MYT1L: variants seen among roughly 807,000 people sequenced by gnomAD.
MYT1L encodes the protein myelin transcription factor 1 like.
MYT1L carries 12 observed loss-of-function variants against 126.7 expected under a neutral mutation model. The observed-to-expected ratio is 0.09, with a 90% CI of 0.06 to 0.15. The LOEUF (loss-of-function observed/expected upper bound fraction) is 0.15, where lower values mean the gene tolerates loss of function less well. MYT1L is among the 10% of genes least tolerant of loss of function. MYT1L has a pLI of 1.00. For missense variants in MYT1L, 979 were observed against 1,585.2 expected (o/e 0.62, Z 6.49); for synonymous variants, 541 against 604.2 (o/e 0.90, Z 1.53).
chr2:2,166,771 C>A (rs2089195457), intron 3 of MYT1L, among the ~76,000 whole-genome samples: 2 of 152,140 alleles, frequency 1.3e-5, no homozygotes, highest in South Asian at 4.1e-4. Flanking sequence ...CCTCAACCTG[C>A]CTTTCCCTTT....
chr2:2,174,808 A>G (rs1326264325), intron 2 of MYT1L, among the ~76,000 whole-genome samples: 2 of 152,082 alleles, frequency 1.3e-5, no homozygotes, highest in Non-Finnish European at 2.9e-5. Context: ...GGTTAGCAAG[A>G]CCCATCTCAG....
intron 9 of MYT1L, among the ~76,000 whole-genome samples, chr2:1,939,684 A>G (rs2056414643): frequency 6.6e-6 from 1 of 152,234 alleles, no homozygotes; most frequent in African/African-American, 2.4e-5. Context: ...TAGGAGTTTG[A>G]TCACGTAAAA....
intron 3 of MYT1L, among the ~76,000 whole-genome samples, chr2:2,104,148 C>T (rs534633912): frequency 1.2e-3 from 179 of 152,280 alleles, no homozygotes; most frequent in African/African-American, 4.0e-3. Flanking sequence ...ACATTAATAC[C>T]ACAGTATGTC....
chr2:2,074,822 G>T (rs1041577077), intron 3 of MYT1L, among the ~76,000 whole-genome samples: 5 of 152,094 alleles, frequency 3.3e-5, no homozygotes, highest in African/African-American at 1.2e-4. Flanking sequence ...CTCATGCAGG[G>T]GTTTGTTCAG....
intron 2 of MYT1L, among the ~76,000 whole-genome samples, chr2:2,211,535 C>T (rs2093507059): frequency 1.3e-5 from 2 of 152,074 alleles, no homozygotes; most frequent in Non-Finnish European, 1.5e-5. Context: ...TGGCCAGGTG[C>T]AGTGGCTCAT....
In MYT1L at chr2:1,979,252, ACGGTG is replaced by A; in HGVS notation, c.90-30_90-26del. ...GCTGCAACAGGAAAGAATGGATTAC[ACGGTG>A]CCGCAGGCAGGCAGGTGAGACGGAA... is the stretch of plus-strand genomic sequence containing the variant. On this transcript the variant is annotated intron_variant, in intron 7 of 24. Coordinates refer to ENST00000647738, the MANE Select transcript of MYT1L (RefSeq NM_001303052.2). The surrounding 1 kb of genome is among the most constrained non-coding windows in gnomAD (Gnocchi z 4.0). The A allele has an allele frequency of 6.2e-7, 1 of 1,607,658 alleles. No homozygotes were observed. Among genetic ancestry groups the A allele is most frequent in the Non-Finnish European group, 8.5e-7 (1 of 1,174,794 alleles).
At chr2:2,146,387 C>T (rs1021039614) in intron 3 of MYT1L, among the ~76,000 whole-genome samples, 24 of 152,122 alleles carry the variant, frequency 1.6e-4, no homozygotes, top group African/African-American at 4.8e-4. Flanking sequence ...AGAGTGTGGC[C>T]GGGCAGAGCA....
intron 8 of MYT1L, among the ~76,000 whole-genome samples, chr2:1,954,402 C>T (rs2058153819): frequency 6.6e-6 from 1 of 152,216 alleles, no homozygotes; most frequent in African/African-American, 2.4e-5. Context: ...ACCACACGTG[C>T]AGTCAGTCCA....
Position 1,793,524 on chromosome 2 carries a change from G to A in MYT1L, c.3277-1060C>T, listed in dbSNP as rs1190314960. ...GAGAGTCTCTCCTCCTCTCCCTGTC[G>A]GCCCTGCCTTCTCCTATGTTCTGGC... On this transcript the variant is annotated intron_variant, in intron 23 of 24. Coordinates refer to ENST00000647738, the MANE Select transcript of MYT1L (RefSeq NM_001303052.2). The surrounding 1 kb of genome is among the most constrained non-coding windows in gnomAD (Gnocchi z 4.6). 6.6e-6 allele frequency among the ~76,000 whole-genome samples: 1 copy of A among 152,142 alleles called. No homozygotes were observed. Among genetic ancestry groups the A allele is most frequent in the African/African-American group, 2.4e-5 (1 of 41,420 alleles).
In MYT1L at chr2:1,793,875, C is replaced by T. The variant is rs1054750140; in HGVS notation, c.3277-1411G>A. 6.6e-6 allele frequency among the ~76,000 whole-genome samples: 1 copy of T among 152,170 alleles called. No homozygotes were observed. Among genetic ancestry groups the T allele is most frequent in the Non-Finnish European group, 1.5e-5 (1 of 68,032 alleles). ...TCAGGAGTGGATGCCTGCCCTCCCACGACTCCTGGGTGGGCCTCGAAGGGC... is the reference window on the plus strand; with the variant it reads ...TCAGGAGTGGATGCCTGCCCTCCCATGACTCCTGGGTGGGCCTCGAAGGGC... On this transcript the variant is annotated intron_variant, in intron 23 of 24. Coordinates refer to ENST00000647738, the MANE Select transcript of MYT1L (RefSeq NM_001303052.2). The surrounding 1 kb of genome is among the most constrained non-coding windows in gnomAD (Gnocchi z 4.6).
rs985082249 is a variant in MYT1L, at chr2:2,173,000, A to C, written c.-420-12T>G. Reference sequence around the variant, plus strand: ...TCTGAGTTCATTTTCTAAAGGATAGAGCGACAACACAAAATACCTTAAGTA... The same window carrying C: ...TCTGAGTTCATTTTCTAAAGGATAGCGCGACAACACAAAATACCTTAAGTA... On this transcript the variant is annotated splice_polypyrimidine_tract_variant and intron_variant, in intron 2 of 24. Coordinates refer to ENST00000647738, the MANE Select transcript of MYT1L (RefSeq NM_001303052.2). 1 of 152,266 alleles carries C rather than the reference A, an allele frequency of 6.6e-6. No homozygotes were observed. The highest frequency in any genetic ancestry group is 1.5e-5 in the Non-Finnish European group (1 of 68,060). 9.4% of individuals were successfully genotyped at this position (152,266 alleles called of 1,614,324 possible).
Position 2,060,134 on chromosome 2 carries a change from A to C in MYT1L, c.-303-6011T>G, listed in dbSNP as rs77110954. Among the ~76,000 whole-genome samples the C allele has an allele frequency of 1.8e-4, 27 of 152,326 alleles. No individual in the cohort carries two copies. In the East Asian group the frequency reaches 5.2e-3, roughly 29 times the overall value. Reference sequence around the variant, plus strand: ...CAGCCACAACACCTGGGCACATCAGATAGCGTGGCAGCAAGGAAGGACTGC... The same window carrying C: ...CAGCCACAACACCTGGGCACATCAGCTAGCGTGGCAGCAAGGAAGGACTGC... On this transcript the variant is annotated intron_variant, in intron 3 of 24. Coordinates refer to ENST00000647738, the MANE Select transcript of MYT1L (RefSeq NM_001303052.2).
At chr2:2,036,579 C>A (rs2066880358) in intron 4 of MYT1L, among the ~76,000 whole-genome samples, 1 of 152,262 alleles carries the variant, frequency 6.6e-6, no homozygotes, top group African/African-American at 2.4e-5. Context: ...AGAAACTCGG[C>A]AGCCACGCTT....
At chr2:2,000,913 C>T (rs2062305389) in intron 4 of MYT1L, among the ~76,000 whole-genome samples, 1 of 152,174 alleles carries the variant, frequency 6.6e-6, no homozygotes, top group East Asian at 1.9e-4. Flanking sequence ...ATTGCCAGGC[C>T]AGTCTGCAGT....
At chr2:1,828,871 T>A (rs528484409) in intron 21 of MYT1L, among the ~76,000 whole-genome samples, 1 of 152,190 alleles carries the variant, frequency 6.6e-6, no homozygotes, top group Non-Finnish European at 1.5e-5. Context: ...AAAAAATGTA[T>A]GGTGGACGAG....
At chr2:2,135,450 G>A (rs1199472554) in intron 3 of MYT1L, among the ~76,000 whole-genome samples, 1 of 152,170 alleles carries the variant, frequency 6.6e-6, no homozygotes, top group Non-Finnish European at 1.5e-5. Flanking sequence ...TTAGTCTCAG[G>A]TATGTCTTTA....
intron 5 of MYT1L, among the ~76,000 whole-genome samples, chr2:1,990,326 CT>C (rs2061362780): frequency 6.6e-6 from 1 of 152,238 alleles, no homozygotes; most frequent in African/African-American, 2.4e-5. Flanking sequence ...GCAGTGCACA[CT>C]TCCTGAGGGT....
chr2:2,104,509 G>A (rs1414727442), intron 3 of MYT1L, among the ~76,000 whole-genome samples: 1 of 152,262 alleles, frequency 6.6e-6, no homozygotes, highest in Non-Finnish European at 1.5e-5. Flanking sequence ...TTTCAGGCGG[G>A]CAGGATGGCT....
chr2:1,979,430 G>A lies in MYT1L; in HGVS notation c.89+91C>T. 2 of 1,322,686 alleles carry A rather than the reference G, an allele frequency of 1.5e-6. No individual in the cohort carries two copies. Among genetic ancestry groups the A allele is most frequent in the Non-Finnish European group, 2.2e-6 (2 of 915,150 alleles). 81.9% of individuals were successfully genotyped at this position (1,322,686 alleles called of 1,614,324 possible). A position where few individuals can be genotyped will look rare whatever the true frequency, so the allele number is the denominator to read the frequency against. ...CAGTGCAGCAGGGCGTGAGCAAGCT[G>A]CCGATGAGCTGGAAGGTGCAGTGTG... On this transcript the variant is annotated intron_variant, in intron 7 of 24. Transcript: ENST00000647738. The surrounding 1 kb of genome is among the most constrained non-coding windows in gnomAD (Gnocchi z 4.0).
Sources: gnomAD v4.1 joint callset for allele counts (sites outside exome capture counted in the v4.1 genomes callset) on GRCh38, gnomAD v4.1.1 for gene constraint, Gnocchi (gnomAD v3.1) non-coding constraint, MANE v1.5 for transcripts, NCBI Gene and HGNC (gene_info 2026-07-23, HGNC 2026-07-21) for gene names.